The following PPM1H variants were observed in gnomAD, a reference collection of about 807,000 sequenced individuals.
The protein encoded by PPM1H is protein phosphatase, Mg2+/Mn2+ dependent 1H.
Under a neutral mutation model 54.9 loss-of-function variants are expected in PPM1H, and 27 were observed. The ratio of observed to expected loss-of-function variants is 0.49; its 90% CI spans 0.36 to 0.68. The LOEUF is 0.68. Among genes scored for constraint, PPM1H ranks in the 30% least tolerant of loss-of-function variants. The pLI is 0.00. For missense variants in PPM1H, 596 were observed against 667.8 expected (o/e 0.89, Z 1.19); for synonymous variants, 305 against 270.8 (o/e 1.13, Z -1.24).
At chr12:62,914,166 G>A (rs1176462278) in intron 1 of PPM1H, among the ~76,000 whole-genome samples, 1 of 152,110 alleles carries the variant, frequency 6.6e-6, no homozygotes, top group Non-Finnish European at 1.5e-5. Context: ...CATCTTCATG[G>A]CAATGAGTGA....
chr12:62,743,129 T>C (rs2076391531), intron 4 of PPM1H, among the ~76,000 whole-genome samples: 1 of 152,076 alleles, frequency 6.6e-6, no homozygotes, highest in African/African-American at 2.4e-5. Flanking sequence ...GGGGGATGGA[T>C]CACTTGAGAT....
At chr12:62,700,357 C>A (rs1472219864) in intron 6 of PPM1H, among the ~76,000 whole-genome samples, 1 of 152,108 alleles carries the variant, frequency 6.6e-6, no homozygotes, top group African/African-American at 2.4e-5. Flanking sequence ...AGCTCTCAGG[C>A]CAGTTTCTCT....
Position 62,755,090 on chromosome 12 carries a change from T to C in PPM1H, c.870-17504A>G, listed in dbSNP as rs1381554758. 9 of 364,566 alleles carry C rather than the reference T, an allele frequency of 2.5e-5. No individual in the cohort carries two copies. In the Admixed American group the frequency reaches 3.1e-4, roughly 13 times the overall value. 22.6% of individuals were successfully genotyped at this position (364,566 alleles called of 1,614,324 possible). A position where few individuals can be genotyped will look rare whatever the true frequency, so the allele number is the denominator to read the frequency against. ...GCTCAAGCCAGTGATCGTCTTTGGA[T>C]GGTGAGAATATCATGTCTTTCTTTT... is the stretch of plus-strand genomic sequence containing the variant. On this transcript the variant is annotated intron_variant, in intron 4 of 9. Transcript: ENST00000228705.
In PPM1H at chr12:62,648,385, A is replaced by G; in HGVS notation, c.*104T>C. The G allele has an allele frequency of 7.1e-7, 1 of 1,416,420 alleles. No individual in the cohort carries two copies. Among genetic ancestry groups the G allele is most frequent in the Non-Finnish European group, 9.7e-7 (1 of 1,027,870 alleles). The allele number at this position is 1,416,420 out of a possible 1,614,324, so 87.7% of individuals were successfully genotyped here. A position where few individuals can be genotyped will look rare whatever the true frequency, so the allele number is the denominator to read the frequency against. Reference sequence around the variant, plus strand: ...TGAACTCCCCGCTTGGGCTGGGAAGAGACTGCATCACTTGGAACTCAGCTG... The same window carrying G: ...TGAACTCCCCGCTTGGGCTGGGAAGGGACTGCATCACTTGGAACTCAGCTG... On this transcript the variant is annotated 3_prime_UTR_variant, in exon 10 of 10. Coordinates refer to ENST00000228705, the MANE Select transcript of PPM1H (RefSeq NM_020700.2).
chr12:62,793,369 C>G (rs2076711055), intron 3 of PPM1H, among the ~76,000 whole-genome samples: 1 of 151,890 alleles, frequency 6.6e-6, no homozygotes, highest in African/African-American at 2.4e-5. Context: ...AACAATGGAT[C>G]CAGTTTTTAA....
chr12:62,711,355 T>C (rs2076206080), intron 6 of PPM1H, among the ~76,000 whole-genome samples: 2 of 152,186 alleles, frequency 1.3e-5, no homozygotes, highest in African/African-American at 2.4e-5. Flanking sequence ...GGCAAAATGA[T>C]CTGTGGTGGG....
chr12:62,779,459 G>A (rs1042282841), intron 4 of PPM1H, among the ~76,000 whole-genome samples: 2 of 152,224 alleles, frequency 1.3e-5, no homozygotes, highest in Non-Finnish European at 2.9e-5. Context: ...ACATTCTTCA[G>A]CGGCTTGTTG....
At position 62,847,032 on chromosome 12, in the gene PPM1H, G is replaced by A. The variant is rs11614709; in HGVS notation, c.246-14753C>T. On this transcript the variant is annotated intron_variant, in intron 1 of 9. Coordinates refer to ENST00000228705, the MANE Select transcript of PPM1H (RefSeq NM_020700.2). ...TCATCTTTCCTTCCCACCCTCCTCC[G>A]TCCCATTCATATGGTTTTTCCATGG... Among the ~76,000 whole-genome samples the A allele has an allele frequency of 2.6e-3, 401 of 152,098 alleles. 1 individual carries two copies. Among genetic ancestry groups the A allele is most frequent in the Non-Finnish European group, 4.0e-3 (272 of 68,008 alleles).
At chr12:62,851,518 C>T (rs1440026702) in intron 1 of PPM1H, among the ~76,000 whole-genome samples, 1 of 151,990 alleles carries the variant, frequency 6.6e-6, no homozygotes, top group African/African-American at 2.4e-5. Flanking sequence ...GCCTGGCCAA[C>T]ATGGTGAAAT....
intron 5 of PPM1H, among the ~76,000 whole-genome samples, chr12:62,725,267 G>A (rs973591157): frequency 6.6e-6 from 1 of 152,148 alleles, no homozygotes. Context: ...GGTGTGTTGG[G>A]ACTCAGGACA....
At chr12:62,747,893 G>A (rs1438337611) in intron 4 of PPM1H, among the ~76,000 whole-genome samples, 1 of 152,060 alleles carries the variant, frequency 6.6e-6, no homozygotes, top group African/African-American at 2.4e-5. Context: ...TATAACATGA[G>A]GTGGGAAAGA....
In PPM1H at chr12:62,652,433, C is replaced by G. The variant is rs145139498; in HGVS notation, c.1398-3797G>C. 4.2e-3 allele frequency among the ~76,000 whole-genome samples: 640 copies of G among 152,278 alleles called. 6 individuals carry two copies. Among genetic ancestry groups the G allele is most frequent in the South Asian group, 0.012 (56 of 4,822 alleles). On this transcript the variant is annotated intron_variant, in intron 9 of 9. Transcript: ENST00000228705. ...ATTAGTAGCACATGGCTAATTAAAA[C>G]AAAATCCATATAGTCACTAAGATGA...
intron 3 of PPM1H, among the ~76,000 whole-genome samples, chr12:62,799,983 G>C (rs2076757451): frequency 6.6e-6 from 1 of 152,098 alleles, no homozygotes. Flanking sequence ...TGGAATGACA[G>C]GCATGCACCA....
intron 1 of PPM1H, among the ~76,000 whole-genome samples, chr12:62,858,817 G>T (rs1869492117): frequency 6.6e-6 from 1 of 152,118 alleles, no homozygotes; most frequent in South Asian, 2.1e-4. Context: ...TAACTGCTTT[G>T]GTACAATACA....
intron 2 of PPM1H, among the ~76,000 whole-genome samples, chr12:62,824,285 TG>T (rs1208860202): frequency 1.3e-5 from 2 of 152,184 alleles, no homozygotes; most frequent in Non-Finnish European, 2.9e-5. Context: ...TCCATGCTCA[TG>T]GATAGGAAGA....
At chr12:62,904,544 C>T (rs1294270515) in intron 1 of PPM1H, among the ~76,000 whole-genome samples, 7 of 152,160 alleles carry the variant, frequency 4.6e-5, no homozygotes, top group Admixed American at 4.6e-4. Context: ...TTCATGGGCC[C>T]TTCTAAGAAA....
At chr12:62,863,268 A>C (rs1181897756) in intron 1 of PPM1H, among the ~76,000 whole-genome samples, 1 of 152,050 alleles carries the variant, frequency 6.6e-6, no homozygotes, top group Non-Finnish European at 1.5e-5. Flanking sequence ...GGCTCAAGCA[A>C]TCCCCCTGCT....
rs1190529169 is a variant in PPM1H, at chr12:62,934,865, G to T, written c.-129C>A. ...GAGTCGGGCCACTGGGACGCGCCGC[G>T]CGCGGCTCCCAGAGCCTAGTGCTGC... On this transcript the variant is annotated 5_prime_UTR_variant, in exon 1 of 10. Transcript: ENST00000228705. This position sits in a 1 kb window ranked among gnomAD's most constrained non-coding sequence, Gnocchi z 4.2. 6.2e-6 allele frequency: 6 copies of T among 969,650 alleles called. No individual in the cohort carries two copies. The highest frequency in any genetic ancestry group is 8.0e-6 in the Non-Finnish European group (6 of 754,094). The allele number at this position is 969,650 out of a possible 1,614,324, so 60.1% of individuals were successfully genotyped here. A position where few individuals can be genotyped will look rare whatever the true frequency, so the allele number is the denominator to read the frequency against.
intron 4 of PPM1H, among the ~76,000 whole-genome samples, chr12:62,749,870 A>G (rs2076431917): frequency 6.6e-6 from 1 of 152,184 alleles, no homozygotes; most frequent in Admixed American, 6.5e-5. Context: ...TTTCTTCACA[A>G]CCAGCCCAGT....
Sources: allele counts gnomAD v4.1 joint callset (sites outside exome capture counted in the v4.1 genomes callset), GRCh38; gene constraint gnomAD v4.1.1; non-coding constraint Gnocchi (gnomAD v3.1); transcripts MANE v1.5; gene names NCBI Gene and HGNC (gene_info 2026-07-23, HGNC 2026-07-21).